LHFPL6: variants seen among roughly 807,000 people sequenced by gnomAD.
LHFPL6 encodes the protein LHFPL tetraspan subfamily member 6 protein.
Under a neutral mutation model 20.6 loss-of-function variants are expected in LHFPL6, and 9 were observed. That is an observed-to-expected ratio of 0.44 (90% CI 0.26 to 0.76). LHFPL6 has a LOEUF of 0.76. Ranked by LOEUF, LHFPL6 falls within the 30% of genes least tolerant of loss-of-function variation. The pLI, the probability that LHFPL6 is intolerant of heterozygous loss-of-function variation, is 0.20. For missense variants in LHFPL6, 218 were observed against 253.5 expected (o/e 0.86, Z 0.95); for synonymous variants, 105 against 98.7 (o/e 1.06, Z -0.38).
At chr13:39,382,364 C>A (rs1428996153) in intron 2 of LHFPL6, among the ~76,000 whole-genome samples, 1 of 152,128 alleles carries the variant, frequency 6.6e-6, no homozygotes, top group Non-Finnish European at 1.5e-5. Flanking sequence ...GCAGCCAAAC[C>A]TAGAGTAGGT....
At chr13:39,465,933 A>C (rs1872794164) in intron 2 of LHFPL6, among the ~76,000 whole-genome samples, 2 of 151,942 alleles carry the variant, frequency 1.3e-5, no homozygotes, top group African/African-American at 4.8e-5. Flanking sequence ...ACTGAACTAG[A>C]GAGGATGGGT....
At chr13:39,601,638 C>T (rs1324205348) in intron 1 of LHFPL6, among the ~76,000 whole-genome samples, 1 of 152,100 alleles carries the variant, frequency 6.6e-6, no homozygotes, top group Admixed American at 6.5e-5. Flanking sequence ...CTTAAAGAAA[C>T]GCCCGATTTT....
At chr13:39,410,775 A>G (rs1284974026) in intron 2 of LHFPL6, among the ~76,000 whole-genome samples, 1 of 152,216 alleles carries the variant, frequency 6.6e-6, no homozygotes. Context: ...ATGCTTTTCA[A>G]AAGTCAAGTC....
intron 2 of LHFPL6, among the ~76,000 whole-genome samples, chr13:39,422,016 C>T (rs571988445): frequency 6.6e-6 from 1 of 152,252 alleles, no homozygotes; most frequent in Admixed American, 6.5e-5. Context: ...ATTGTTGCTA[C>T]CATTACTATT....
chr13:39,482,432 G>A (rs573159760), intron 2 of LHFPL6, among the ~76,000 whole-genome samples: 6 of 104,060 alleles, frequency 5.8e-5, no homozygotes, highest in African/African-American at 2.1e-4. Context: ...TATAGAGCAA[G>A]ACCTTATCTT....
intron 2 of LHFPL6, among the ~76,000 whole-genome samples, chr13:39,592,133 T>C (rs541003834): frequency 4.0e-5 from 6 of 150,542 alleles, no homozygotes; most frequent in East Asian, 3.9e-4. Context: ...AATCCTGATA[T>C]GGAGAACTTA....
chr13:39,388,739 T>C (rs1459648340), intron 2 of LHFPL6, among the ~76,000 whole-genome samples: 1 of 152,188 alleles, frequency 6.6e-6, no homozygotes, highest in Non-Finnish European at 1.5e-5. Flanking sequence ...TCCACTGGAA[T>C]TGCAGGGCAG....
intron 3 of LHFPL6, among the ~76,000 whole-genome samples, chr13:39,355,322 C>A (rs1179022494): frequency 6.6e-6 from 1 of 151,998 alleles, no homozygotes; most frequent in South Asian, 2.1e-4. Context: ...GAAATAAAAT[C>A]CTTCTTAGTG....
At chr13:39,551,079 T>C (rs1214641172) in intron 2 of LHFPL6, among the ~76,000 whole-genome samples, 1 of 152,188 alleles carries the variant, frequency 6.6e-6, no homozygotes, top group South Asian at 2.1e-4. Flanking sequence ...TCTATTCTTT[T>C]GCTAATAGCA....
intron 2 of LHFPL6, among the ~76,000 whole-genome samples, chr13:39,402,512 G>A (rs1871018939): frequency 6.6e-6 from 1 of 152,212 alleles, no homozygotes; most frequent in Non-Finnish European, 1.5e-5. Context: ...TTATAGGCAT[G>A]AGCCACTGTG....
At chr13:39,414,631 T>C (rs1871306050) in intron 2 of LHFPL6, among the ~76,000 whole-genome samples, 1 of 152,226 alleles carries the variant, frequency 6.6e-6, no homozygotes, top group Non-Finnish European at 1.5e-5. Flanking sequence ...ATTTCACATA[T>C]AATGCTTCAA....
chr13:39,442,539 GA>G (rs1872167589), intron 2 of LHFPL6, among the ~76,000 whole-genome samples: 2 of 152,200 alleles, frequency 1.3e-5, no homozygotes, highest in Admixed American at 6.5e-5. Context: ...AGGCATGAAA[GA>G]AGAAGGCATA....
At chr13:39,596,664 A>G (rs1872780947) in intron 2 of LHFPL6, among the ~76,000 whole-genome samples, 1 of 152,104 alleles carries the variant, frequency 6.6e-6, no homozygotes, top group Admixed American at 6.5e-5. Flanking sequence ...TTAAAAAAAA[A>G]AAAAGAGCCC....
intron 2 of LHFPL6, among the ~76,000 whole-genome samples, chr13:39,530,196 C>T (rs926875861): frequency 6.6e-6 from 1 of 151,354 alleles, no homozygotes; most frequent in South Asian, 2.1e-4. Context: ...AAAAGAGGAT[C>T]CCTTGAGCCC....
chr13:39,390,904 G>T (rs905636164), intron 2 of LHFPL6, among the ~76,000 whole-genome samples: 2 of 152,156 alleles, frequency 1.3e-5, no homozygotes. Flanking sequence ...GGCTGAGGCA[G>T]GGGAATTGCT....
chr13:39,480,974 T>C (rs1296970881), intron 2 of LHFPL6, among the ~76,000 whole-genome samples: 1 of 152,186 alleles, frequency 6.6e-6, no homozygotes, highest in Non-Finnish European at 1.5e-5. Flanking sequence ...ATTATATTCA[T>C]TAGCATGCAA....
At chr13:39,535,307 T>C (rs972597223) in intron 2 of LHFPL6, among the ~76,000 whole-genome samples, 1 of 152,358 alleles carries the variant, frequency 6.6e-6, no homozygotes, top group East Asian at 1.9e-4. Context: ...ACCCACATCA[T>C]CACACACAAC....
chr13:39,388,508 G>A (rs372770112), intron 2 of LHFPL6, among the ~76,000 whole-genome samples: 4 of 152,156 alleles, frequency 2.6e-5, no homozygotes, highest in African/African-American at 7.2e-5. Context: ...CTGATTGAAA[G>A]CAACACCTTT....
At chr13:39,374,819 T>C (rs919953545) in intron 3 of LHFPL6, among the ~76,000 whole-genome samples, 4 of 152,246 alleles carry the variant, frequency 2.6e-5, no homozygotes, top group Non-Finnish European at 5.9e-5. Context: ...TTAAGTTCCC[T>C]GAGGGCAGTG....
Sources: gnomAD v4.1 joint callset for allele counts (sites outside exome capture counted in the v4.1 genomes callset) on GRCh38, gnomAD v4.1.1 for gene constraint, MANE v1.5 for transcripts, NCBI Gene and HGNC (gene_info 2026-07-23, HGNC 2026-07-21) for gene names.